Variants in POU6F2 observed in about 807,000 individuals in gnomAD.
POU6F2 encodes the protein POU class 6 homeobox 2.
A neutral mutation model predicts 71.3 loss-of-function variants in POU6F2; 31 were observed. That is an observed-to-expected ratio of 0.43 (90% CI 0.33 to 0.59). The LOEUF is 0.59. Ranked by LOEUF, POU6F2 falls within the 20% of genes least tolerant of loss-of-function variation. The pLI, the probability that POU6F2 is intolerant of heterozygous loss-of-function variation, is 0.04. For synonymous variants in POU6F2, 347 were observed against 355.7 expected (o/e 0.98, Z 0.27); for missense variants, 783 against 856.8 (o/e 0.91, Z 1.07).
At chr7:39,023,103 C>G (rs702822) in intron 1 of POU6F2, among the ~76,000 whole-genome samples, 128,794 of 152,002 alleles carry the variant, frequency 0.85, 55,633 homozygotes, top group East Asian at 0.95. Flanking sequence ...ATGATGTTGA[C>G]CACTTTTTCA....
chr7:39,334,523 AAAG>A, intron 4 of POU6F2, among the ~76,000 whole-genome samples: 1 of 152,206 alleles, frequency 6.6e-6, no homozygotes, highest in South Asian at 2.1e-4. Flanking sequence ...TAAAAAAAAA[AAAG>A]AATAAAGGCA....
intron 4 of POU6F2, among the ~76,000 whole-genome samples, chr7:39,310,669 TCTC>T (rs1458071066): frequency 6.6e-6 from 1 of 152,226 alleles, no homozygotes; most frequent in Non-Finnish European, 1.5e-5. Context: ...CTAGTTTTGT[TCTC>T]CTAGCCAGGA....
At chr7:39,217,743 C>T (rs1010404582) in intron 4 of POU6F2, among the ~76,000 whole-genome samples, 4 of 152,152 alleles carry the variant, frequency 2.6e-5, no homozygotes, top group African/African-American at 9.7e-5. Context: ...ATGTGTCTTA[C>T]TTTGGCAGTT....
At chr7:39,051,162 T>G (rs1790393329) in intron 1 of POU6F2, among the ~76,000 whole-genome samples, 1 of 152,110 alleles carries the variant, frequency 6.6e-6, no homozygotes, top group African/African-American at 2.4e-5. Flanking sequence ...TTAAATATTT[T>G]TATTATTTTG....
intron 1 of POU6F2, among the ~76,000 whole-genome samples, chr7:39,030,541 T>TAC (rs1394844007): frequency 1.6e-5 from 2 of 125,786 alleles, no homozygotes; most frequent in Non-Finnish European, 3.4e-5. Context: ...TATATATATA[T>TAC]ATACACACAC....
chr7:39,227,822 G>T (rs1257765908), intron 4 of POU6F2, among the ~76,000 whole-genome samples: 1 of 152,136 alleles, frequency 6.6e-6, no homozygotes, highest in South Asian at 2.1e-4. Flanking sequence ...CTCCCAAAGT[G>T]CTGGGATTAC....
intron 5 of POU6F2, among the ~76,000 whole-genome samples, chr7:39,372,012 C>T (rs1246359174): frequency 2.6e-5 from 4 of 152,132 alleles, no homozygotes; most frequent in Non-Finnish European, 5.9e-5. Context: ...AAATTCTGGG[C>T]TCAAGCAATC....
chr7:39,006,899 A>G (rs1296647075), intron 1 of POU6F2: 1 of 1,605,466 alleles, frequency 6.2e-7, no homozygotes, highest in African/African-American at 1.3e-5. Flanking sequence ...ATGCCTACCA[A>G]TAGGAAATTT....
chr7:39,184,402 T>C (rs1793491544), intron 2 of POU6F2, among the ~76,000 whole-genome samples: 1 of 152,182 alleles, frequency 6.6e-6, no homozygotes, highest in African/African-American at 2.4e-5. Flanking sequence ...TAAAAAATAA[T>C]CTACTAACTC....
At chr7:39,069,657 AT>A (rs1024186439) in intron 1 of POU6F2, among the ~76,000 whole-genome samples, 1 of 152,208 alleles carries the variant, frequency 6.6e-6, no homozygotes, top group African/African-American at 2.4e-5. Context: ...ATTAACACTT[AT>A]TTAGTATGTT....
chr7:39,140,449 A>G (rs1457333084), intron 2 of POU6F2, among the ~76,000 whole-genome samples: 1 of 152,226 alleles, frequency 6.6e-6, no homozygotes, highest in African/African-American at 2.4e-5. Context: ...TGAGAAGTAG[A>G]AATCAAAGTG....
intron 5 of POU6F2, among the ~76,000 whole-genome samples, chr7:39,369,262 CCT>C (rs1400494451): frequency 1.3e-5 from 2 of 152,190 alleles, no homozygotes; most frequent in African/African-American, 4.8e-5. Flanking sequence ...GCAACCACCA[CCT>C]CTGTCAGTCA....
At chr7:39,347,474 A>G (rs1401297721) in intron 5 of POU6F2, among the ~76,000 whole-genome samples, 1 of 152,132 alleles carries the variant, frequency 6.6e-6, no homozygotes, top group East Asian at 1.9e-4. Flanking sequence ...GCAAACCTAC[A>G]CTAAAGGGCA....
intron 4 of POU6F2, among the ~76,000 whole-genome samples, chr7:39,305,294 A>T (rs143374528): frequency 1.3e-5 from 2 of 152,386 alleles, no homozygotes; most frequent in East Asian, 3.9e-4. Context: ...TACAATTAGG[A>T]ATAATAATGT....
At chr7:39,333,066 C>G (rs1583531597) in intron 4 of POU6F2, among the ~76,000 whole-genome samples, 1 of 152,152 alleles carries the variant, frequency 6.6e-6, no homozygotes, top group South Asian at 2.1e-4. Flanking sequence ...GCAAGCACCC[C>G]CTGGGAACTC....
chr7:39,431,746 G>A (rs1788107205), intron 6 of POU6F2, among the ~76,000 whole-genome samples: 1 of 152,218 alleles, frequency 6.6e-6, no homozygotes, highest in African/African-American at 2.4e-5. Context: ...GTGCCCCTGT[G>A]TCTTGTCTAG....
chr7:38,979,454 A>G (rs1788260643), intron 1 of POU6F2, among the ~76,000 whole-genome samples: 1 of 152,200 alleles, frequency 6.6e-6, no homozygotes, highest in South Asian at 2.1e-4. Flanking sequence ...ACACTATTTT[A>G]AAAGAAGTAG....
chr7:39,008,026 C>A (rs1457620014), intron 1 of POU6F2, among the ~76,000 whole-genome samples: 1 of 141,132 alleles, frequency 7.1e-6, no homozygotes, highest in Non-Finnish European at 1.5e-5. Context: ...ATTTATAGTC[C>A]TTTGGGTATA....
intron 2 of POU6F2, among the ~76,000 whole-genome samples, chr7:39,110,892 T>C (rs1791794135): frequency 1.3e-5 from 2 of 152,196 alleles, no homozygotes; most frequent in South Asian, 4.1e-4. Context: ...CAATCCAACA[T>C]TTATTTGAAG....
Sources: allele counts gnomAD v4.1 joint callset (sites outside exome capture counted in the v4.1 genomes callset), GRCh38; gene constraint gnomAD v4.1.1; transcripts MANE v1.5; gene names NCBI Gene and HGNC (gene_info 2026-07-23, HGNC 2026-07-21).